Variants in MAPT observed in about 807,000 individuals in gnomAD.
MAPT encodes microtubule associated protein tau, also known as microtubule-associated protein tau.
A neutral mutation model predicts 67.9 loss-of-function variants in MAPT; 34 were observed. That is an observed-to-expected ratio of 0.50 (90% CI 0.38 to 0.67). MAPT has a LOEUF of 0.67. MAPT is among the 30% of genes least tolerant of loss of function. The pLI is 0.00. For synonymous variants in MAPT, 456 were observed against 464.5 expected (o/e 0.98, Z 0.23); for missense variants, 881 against 1,115.2 (o/e 0.79, Z 2.99).
intron 1 of MAPT, among the ~76,000 whole-genome samples, chr17:45,923,175 C>T (rs1433052817): frequency 6.6e-6 from 1 of 152,172 alleles, no homozygotes. Flanking sequence ...TGGCCAGAAA[C>T]AGGCACATAA....
chr17:45,933,897 A>C (rs1411143217), intron 1 of MAPT, among the ~76,000 whole-genome samples: 2 of 151,854 alleles, frequency 1.3e-5, no homozygotes, highest in Non-Finnish European at 1.5e-5. Context: ...AAGCAATAAA[A>C]TGTTACATTT....
chr17:46,017,525 C>T (rs954202689), intron 11 of MAPT, among the ~76,000 whole-genome samples: 4 of 140,234 alleles, frequency 2.9e-5, no homozygotes, highest in Non-Finnish European at 6.0e-5. Context: ...ACAATCTCGG[C>T]TCACTGCAAC....
Position 45,983,070 on chromosome 17 carries a change from C to G in MAPT, c.491C>G (p.Thr164Arg), listed in dbSNP as rs962291595. The change falls in exon 5 of 13, where the codon ACA (threonine) becomes AGA (arginine). Residue 164 changes from threonine to arginine, a missense_variant. This residue lies in a region of MAPT where 687 missense variants were observed against 766.1 expected (regional missense o/e 0.90). Coordinates refer to ENST00000262410, the MANE Select transcript of MAPT (RefSeq NM_001377265.1). ...CCCGTTTGCCCAGCGCCTCCTCCAA[C>G]AGGAGGCCCTCAGGAGCCCTCCCTG... The part of the protein sequence containing the change: ...HRPVCPAPPP[T>R]GGPQEPSLEW... 6.5e-7 allele frequency: 1 copy of G among 1,533,886 alleles called. No individual in the cohort carries two copies. Among genetic ancestry groups the G allele is most frequent in the Non-Finnish European group, 8.8e-7 (1 of 1,135,576 alleles).
chr17:46,010,165 C>T lies in MAPT; in HGVS notation c.1999-145C>T, dbSNP rs2075725589. On this transcript the variant is annotated intron_variant, in intron 9 of 12. Coordinates refer to ENST00000262410, the MANE Select transcript of MAPT (RefSeq NM_001377265.1). This position sits in a 1 kb window ranked among gnomAD's most constrained non-coding sequence, Gnocchi z 4.7. ...CCGTCACTCCCCAGACTGCCTCTGC[C>T]AAGTCCGAAAGTGGAGGCATCCTTG... 2.8e-6 allele frequency: 2 copies of T among 711,454 alleles called. No homozygotes were observed. Among genetic ancestry groups the T allele is most frequent in the East Asian group, 5.4e-5 (2 of 37,268 alleles). The allele number at this position is 711,454 out of a possible 1,614,324, so 44.1% of individuals were successfully genotyped here. A position where few individuals can be genotyped will look rare whatever the true frequency, so the allele number is the denominator to read the frequency against.
chr17:45,947,372 T>G (rs1294261529), intron 1 of MAPT, among the ~76,000 whole-genome samples: 3 of 149,730 alleles, frequency 2.0e-5, no homozygotes, highest in Admixed American at 6.8e-5. Flanking sequence ...CCTCCTCATC[T>G]CTTTCTTTTT....
chr17:45,991,781 C>CTT (rs1299153080), intron 8 of MAPT, among the ~76,000 whole-genome samples, 195 bp downstream of exon 8: 4 of 143,186 alleles, frequency 2.8e-5, no homozygotes, highest in Non-Finnish European at 4.6e-5. Context: ...GAATCCCTAC[C>CTT]TTTTTTTTTT....
chr17:45,927,324 G>A (rs1198375792), intron 1 of MAPT, among the ~76,000 whole-genome samples: 1 of 152,132 alleles, frequency 6.6e-6, no homozygotes, highest in Non-Finnish European at 1.5e-5. Flanking sequence ...GTTGACTTAG[G>A]ATGGAAGAAG....
intron 1 of MAPT, chr17:45,908,059 C>T (rs2064453936): frequency 1.3e-5 from 2 of 152,250 alleles, no homozygotes; most frequent in South Asian, 2.1e-4. Context: ...AGAAGCCATG[C>T]CCTCCAGCCT....
chr17:45,945,812 CAAAAAAAAA>C (rs1285800563), intron 1 of MAPT, among the ~76,000 whole-genome samples: 5 of 151,370 alleles, frequency 3.3e-5, no homozygotes, highest in African/African-American at 1.2e-4. Flanking sequence ...GACGCAATCT[CAAAAAAAAA>C]GAAAAAAAGA....
chr17:45,936,148 A>G (rs1323774405), intron 1 of MAPT, among the ~76,000 whole-genome samples: 1 of 152,230 alleles, frequency 6.6e-6, no homozygotes, highest in Non-Finnish European at 1.5e-5. Context: ...TGTGTCCTTC[A>G]GTATTTGCAC....
At chr17:45,992,891 CAAAA>C (rs1187123182) in intron 8 of MAPT, among the ~76,000 whole-genome samples, 1 of 85,590 alleles carries the variant, frequency 1.2e-5, no homozygotes. Context: ...GATTCCTTCT[CAAAA>C]AAAAAAAAAA....
chr17:45,925,056 C>T (rs1207342105), intron 1 of MAPT, among the ~76,000 whole-genome samples: 10 of 152,212 alleles, frequency 6.6e-5, no homozygotes, highest in Admixed American at 5.9e-4. Flanking sequence ...CTTCTGTCCA[C>T]CCCACTGCCA....
chr17:45,905,701 T>C (rs893782477), intron 1 of MAPT, among the ~76,000 whole-genome samples: 2 of 152,206 alleles, frequency 1.3e-5, no homozygotes, highest in Non-Finnish European at 2.9e-5. Flanking sequence ...TAAGAGATTT[T>C]TGGCCAAGAT....
chr17:45,962,503 TC>T (rs1180205036), intron 2 of MAPT, 33 bp downstream of exon 2: 1 of 1,611,278 alleles, frequency 6.2e-7, no homozygotes, highest in Non-Finnish European at 8.5e-7. Context: ...CAGGCCCAGA[TC>T]ACTGCAAGCC....
At chr17:45,946,615 A>AAAATATATAT in intron 1 of MAPT, among the ~76,000 whole-genome samples, 5 of 100,406 alleles carry the variant, frequency 5.0e-5, no homozygotes, top group African/African-American at 2.2e-4. Flanking sequence ...AAAAAAAAAA[A>AAAATATATAT]ATATATATAT....
In MAPT at chr17:46,014,260, A is replaced by G; in HGVS notation, c.2109A>G (p.Lys703=). The part of the protein sequence containing the change: ...PGGGSVQIVY[K]PVDLSKVTSK... The stretch of plus-strand genomic sequence containing the variant: ...ATCTCCAGGTGCAAATAGTCTACAA[A>G]CCAGTTGACCTGAGCAAGGTGACCT... Residue 703 remains lysine, a synonymous_variant, in exon 11 of 13, where the codon AAA becomes AAG. Transcript: ENST00000262410. The G allele has an allele frequency of 6.2e-7, 1 of 1,612,944 alleles. No individual in the cohort carries two copies. The highest frequency in any genetic ancestry group is 8.5e-7 in the Non-Finnish European group (1 of 1,179,146).
At chr17:45,922,836 G>A (rs55929431) in intron 1 of MAPT, among the ~76,000 whole-genome samples, 22,109 of 152,228 alleles carry the variant, frequency 0.15, 2,151 homozygotes, top group Middle Eastern at 0.22. Context: ...AAAAAAAATG[G>A]TGTTAACTAA....
chr17:45,962,290 C>T, intron 1 of MAPT, 31 bp from the exon 2 acceptor site: 3 of 1,602,002 alleles, frequency 1.9e-6, no homozygotes, highest in Non-Finnish European at 2.6e-6. Context: ...CAACACTCCT[C>T]AGAACTTATC....
At chr17:45,997,023 G>A (rs1397369006) in intron 9 of MAPT, among the ~76,000 whole-genome samples, 3 of 152,198 alleles carry the variant, frequency 2.0e-5, no homozygotes, top group South Asian at 4.1e-4. Flanking sequence ...CACCCACAGC[G>A]GTTCCCCACC....
Sources: allele counts gnomAD v4.1 joint callset (sites outside exome capture counted in the v4.1 genomes callset), GRCh38; gene constraint gnomAD v4.1.1; regional missense constraint gnomAD v4.1.1; non-coding constraint Gnocchi (gnomAD v3.1); transcripts MANE v1.5; gene names NCBI Gene and HGNC (gene_info 2026-07-23, HGNC 2026-07-21).